SPATS2L: variants seen among roughly 807,000 people sequenced by gnomAD.
SPATS2L encodes SPATS2-like protein.
SPATS2L carries 30 observed loss-of-function variants against 59.6 expected under a neutral mutation model. The ratio of observed to expected loss-of-function variants is 0.50; its 90% confidence interval spans 0.38 to 0.68. The LOEUF (loss-of-function observed/expected upper bound fraction) is 0.68, where lower values mean the gene tolerates loss of function less well. Among genes scored for constraint, SPATS2L ranks in the 30% least tolerant of loss-of-function variants. The probability of loss-of-function intolerance (pLI) is 0.00; values close to 1 mark genes in which losing one functional copy is unlikely to be tolerated. For synonymous variants in SPATS2L, 252 were observed against 263.5 expected, an observed-to-expected ratio of 0.96 and a Z score of 0.42; for missense variants, 615 against 700.0, an observed-to-expected ratio of 0.88 and a Z score of 1.37.
chr2:200,370,064 G>T (rs159430), intron 2 of SPATS2L, among the ~76,000 whole-genome samples: 4 of 152,196 alleles, frequency 2.6e-5, no homozygotes, highest in Admixed American at 6.5e-5. Flanking sequence ...CCACCTGGCC[G>T]GGATTGCATC....
At chr2:200,472,800 A>C in intron 11 of SPATS2L, 32 bp from the exon 12 acceptor site, 1 of 1,571,978 alleles carries the variant, frequency 6.4e-7, no homozygotes, top group South Asian at 1.1e-5. Context: ...TTGGAGGTGC[A>C]GCTCGTAACA....
intron 1 of SPATS2L, among the ~76,000 whole-genome samples, chr2:200,327,025 G>T (rs2079773742): frequency 1.3e-5 from 2 of 151,022 alleles, no homozygotes; most frequent in South Asian, 4.2e-4. Context: ...AGGATTACAG[G>T]TGTGAGTCAC....
chr2:200,323,806 A>G (rs1467775473), intron 1 of SPATS2L, among the ~76,000 whole-genome samples: 1 of 152,246 alleles, frequency 6.6e-6, no homozygotes, highest in East Asian at 1.9e-4. Context: ...TTCAATAAGA[A>G]AGGCTCAGAG....
chr2:200,429,922 CTT>C (rs1477609822), intron 6 of SPATS2L, among the ~76,000 whole-genome samples: 1 of 152,130 alleles, frequency 6.6e-6, no homozygotes, highest in Non-Finnish European at 1.5e-5. Flanking sequence ...ATTTCCCACT[CTT>C]TTCAACTAGT....
At chr2:200,356,395 A>G (rs993485142) in intron 2 of SPATS2L, among the ~76,000 whole-genome samples, 1 of 152,218 alleles carries the variant, frequency 6.6e-6, no homozygotes, top group African/African-American at 2.4e-5. Context: ...ATTTTCTGAG[A>G]CAGAAAATTC....
chr2:200,356,927 T>C (rs2080936563), intron 2 of SPATS2L, among the ~76,000 whole-genome samples: 1 of 152,170 alleles, frequency 6.6e-6, no homozygotes. Context: ...AACCCACTCC[T>C]GCAATAAGGA....
intron 8 of SPATS2L, among the ~76,000 whole-genome samples, chr2:200,451,342 A>G (rs2085430118): frequency 6.6e-6 from 1 of 152,082 alleles, no homozygotes. Context: ...GAAAGTTAAT[A>G]TAACTAATGA....
intron 6 of SPATS2L, among the ~76,000 whole-genome samples, chr2:200,426,132 C>T (rs1473600740): frequency 7.3e-6 from 1 of 137,378 alleles, no homozygotes; most frequent in Admixed American, 7.8e-5. Context: ...ACTGTGTTAC[C>T]CAGGCTGGAG....
At chr2:200,363,219 T>TACC (rs1401693068) in intron 2 of SPATS2L, among the ~76,000 whole-genome samples, 1 of 152,194 alleles carries the variant, frequency 6.6e-6, no homozygotes, top group African/African-American at 2.4e-5. Context: ...ATACTACTAC[T>TACC]ACCACCTCGT....
intron 1 of SPATS2L, among the ~76,000 whole-genome samples, chr2:200,317,700 G>A (rs1042570129): frequency 1.3e-5 from 2 of 152,184 alleles, no homozygotes; most frequent in Admixed American, 1.3e-4. Flanking sequence ...TGGAAAAAAG[G>A]CATGTTTACA....
chr2:200,306,640 C>A (rs1485828018), upstream of SPATS2L: 5 of 789,104 alleles, frequency 6.3e-6, no homozygotes, highest in Non-Finnish European at 6.1e-6. Flanking sequence ...GGTCGGCGGG[C>A]GGGGGCAGCC....
At chr2:200,352,311 T>A (rs1463888178) in intron 2 of SPATS2L, among the ~76,000 whole-genome samples, 2 of 121,956 alleles carry the variant, frequency 1.6e-5, no homozygotes, top group South Asian at 2.2e-4. Context: ...AACCAGCAGT[T>A]TTTATATATA....
chr2:200,471,633 A>G (rs753423058), intron 11 of SPATS2L, among the ~76,000 whole-genome samples: 2 of 152,172 alleles, frequency 1.3e-5, no homozygotes, highest in African/African-American at 4.8e-5. Context: ...GTGGTCCCTG[A>G]TCTGCAGACA....
intron 2 of SPATS2L, among the ~76,000 whole-genome samples, chr2:200,353,956 T>C (rs1055145918): frequency 6.6e-6 from 1 of 152,220 alleles, no homozygotes; most frequent in Non-Finnish European, 1.5e-5. Context: ...ATTGGAAATA[T>C]ACCTTCTTGA....
chr2:200,472,988 A>G lies in SPATS2L; in HGVS notation c.1217A>G (p.Lys406Arg), dbSNP rs375671265. Residue 406 changes from lysine (K) to arginine (R), a missense_variant, in exon 12 of 13, where the codon AAA becomes AGA. This residue lies in a region of SPATS2L where 284 missense variants were observed against 280.1 expected (regional missense o/e 1.01). Coordinates refer to ENST00000409140, the MANE Select transcript of SPATS2L (RefSeq NM_001100423.2). ...KPSEGKAANP[K>R]MVSSLPSTAD... ...TCTGAAGGCAAAGCGGCAAACCCCA[A>G]AATGGTGAGCAGTCTCCCCAGCACC... 3 of 1,613,748 alleles carry G rather than the reference A, an allele frequency of 1.9e-6. No individual in the cohort carries two copies. Among genetic ancestry groups the G allele is most frequent in the African/African-American group, 2.7e-5 (2 of 74,868 alleles).
chr2:200,345,202 T>G (rs1420441279), intron 2 of SPATS2L, among the ~76,000 whole-genome samples: 2 of 152,228 alleles, frequency 1.3e-5, no homozygotes, highest in East Asian at 3.8e-4. Flanking sequence ...TTTATAGTTT[T>G]GGGTTTTACA....
chr2:200,310,038 TA>T lies in SPATS2L; in HGVS notation c.-73+3123del, dbSNP rs200708386. 9.2e-3 allele frequency among the ~76,000 whole-genome samples: 1,408 copies of T among 152,318 alleles called. 19 individuals are homozygous for T. The highest frequency in any genetic ancestry group is 0.032 in the African/African-American group (1,347 of 41,574). On this transcript the variant is annotated intron_variant, in intron 1 of 12. Coordinates refer to ENST00000409140, the MANE Select transcript of SPATS2L (RefSeq NM_001100423.2). Reference sequence around the variant, plus strand: ...AATAGCTAGTGTTTTTATTTTCTGATAAAAAAATTTTAAATGTGATGTTATC... The same window carrying T: ...AATAGCTAGTGTTTTTATTTTCTGATAAAAAATTTTAAATGTGATGTTATC...
intron 9 of SPATS2L, among the ~76,000 whole-genome samples, chr2:200,460,041 G>A (rs1354998309): frequency 1.3e-5 from 2 of 152,106 alleles, no homozygotes; most frequent in East Asian, 1.9e-4. Context: ...CACTCACCTC[G>A]TACAGGTGAG....
At chr2:200,313,743 G>A (rs953985001) in intron 1 of SPATS2L, among the ~76,000 whole-genome samples, 6 of 152,078 alleles carry the variant, frequency 3.9e-5, no homozygotes, top group South Asian at 2.1e-4. Flanking sequence ...CCCGCACCTC[G>A]CCATCTTCCT....
Sources: allele counts gnomAD v4.1 joint callset (sites outside exome capture counted in the v4.1 genomes callset), GRCh38; gene constraint gnomAD v4.1.1; regional missense constraint gnomAD v4.1.1; transcripts MANE v1.5; gene names NCBI Gene and HGNC (gene_info 2026-07-23, HGNC 2026-07-21).